CIT: variants seen among roughly 807,000 people sequenced by gnomAD.
CIT encodes citron Rho-interacting kinase.
A neutral mutation model predicts 272.7 loss-of-function variants in CIT; 79 were observed. The ratio of observed to expected loss-of-function variants is 0.29; its 90% confidence interval spans 0.24 to 0.35. CIT has a LOEUF of 0.35. Among genes scored for constraint, CIT ranks in the 10% least tolerant of loss-of-function variants. The probability of loss-of-function intolerance (pLI) is 1.00; values close to 1 mark genes in which losing one functional copy is unlikely to be tolerated. For synonymous variants in CIT, 948 were observed against 995.6 expected, an observed-to-expected ratio of 0.95 and a Z score of 0.90; for missense variants, 1,909 against 2,618.3, an observed-to-expected ratio of 0.73 and a Z score of 5.91.
intron 2 of CIT, among the ~76,000 whole-genome samples, chr12:119,873,293 A>G (rs1413555027): frequency 6.9e-6 from 1 of 144,762 alleles, no homozygotes; most frequent in Non-Finnish European, 1.5e-5. Flanking sequence ...TTTAATTTAC[A>G]GGGTCTTGCT....
intron 46 of CIT, among the ~76,000 whole-genome samples, chr12:119,692,611 C>T (rs564767297): frequency 6.6e-5 from 10 of 152,330 alleles, no homozygotes; most frequent in Admixed American, 2.6e-4. Context: ...CAGCTGCTTC[C>T]GCATGACCAC....
chr12:119,853,426 ATTTG>A (rs199630343), intron 4 of CIT, among the ~76,000 whole-genome samples: 73 of 151,162 alleles, frequency 4.8e-4, no homozygotes, highest in East Asian at 1.4e-3. Flanking sequence ...GGATTTGTTT[ATTTG>A]TTTGTTTGTT....
intron 5 of CIT, among the ~76,000 whole-genome samples, chr12:119,840,180 T>A (rs1969312854): frequency 6.6e-6 from 1 of 152,116 alleles, no homozygotes. Flanking sequence ...TGGCAGGGCA[T>A]GGTAGTATAT....
intron 23 of CIT, among the ~76,000 whole-genome samples, chr12:119,749,513 TC>T (rs1347270922): frequency 2.6e-5 from 4 of 152,042 alleles, no homozygotes; most frequent in African/African-American, 9.7e-5. Flanking sequence ...TGGAACATAA[TC>T]AAGAGAAGGG....
At chr12:119,825,025 C>T (rs1249067109) in intron 8 of CIT, 140 bp downstream of exon 8, 1 of 633,468 alleles carries the variant, frequency 1.6e-6, no homozygotes, top group East Asian at 2.9e-5. Context: ...TGGTCTCGAT[C>T]TCCTGACCTC....
At position 119,704,384 on chromosome 12, in the gene CIT, G is replaced by A. The variant is rs1012311575; in HGVS notation, c.5283C>T (p.Leu1761=). 1.9e-6 allele frequency: 3 copies of A among 1,613,872 alleles called. No individual in the cohort carries two copies. The highest frequency in any genetic ancestry group is 2.5e-6 in the Non-Finnish European group (3 of 1,179,868). The stretch of plus-strand genomic sequence containing the variant: ...TTACTTTCCGGATGCAGTATTTGCT[G>A]AGGTTTTCGTTGTAGCGGAGAATGA... ...KVVILRYNEN[L]SKYCIRKEIE... is the part of the protein sequence containing the mutation. Residue 1761 remains leucine, a synonymous_variant, in exon 41 of 48, where the codon CTC becomes CTT. Coordinates refer to ENST00000392521, the MANE Select transcript of CIT (RefSeq NM_001206999.2).
chr12:119,812,917 T>A (rs368777966), intron 9 of CIT, among the ~76,000 whole-genome samples: 2 of 152,194 alleles, frequency 1.3e-5, no homozygotes, highest in Non-Finnish European at 2.9e-5. Context: ...GTAGAATTAC[T>A]ATGTCTTGAA....
At chr12:119,800,593 A>T (rs1966108203) in intron 10 of CIT, among the ~76,000 whole-genome samples, 1 of 152,246 alleles carries the variant, frequency 6.6e-6, no homozygotes. Context: ...CAATTTACCT[A>T]GCACAGTACA....
intron 3 of CIT, among the ~76,000 whole-genome samples, chr12:119,867,334 G>A (rs552218278): frequency 7.9e-5 from 12 of 152,010 alleles, no homozygotes; most frequent in African/African-American, 2.7e-4. Flanking sequence ...GATTACAGGC[G>A]CCCGCTGCCA....
At position 119,712,952 on chromosome 12, in the gene CIT, A is replaced by G. The variant is rs946468078; in HGVS notation, c.4579+251T>C. 4.5e-5 allele frequency: 26 copies of G among 582,090 alleles called. No individual in the cohort carries two copies. The highest frequency in any genetic ancestry group is 1.7e-4 in the East Asian group (6 of 34,636). 36.1% of individuals were successfully genotyped at this position (582,090 alleles called of 1,614,324 possible). A position where few individuals can be genotyped will look rare whatever the true frequency, so the allele number is the denominator to read the frequency against. The stretch of plus-strand genomic sequence containing the variant: ...GATTTATGGGTTAGTTGACTGAGGC[A>G]GAAGTTCTCGGAAGGTGTATTAGCA... On this transcript the variant is annotated intron_variant, in intron 35 of 47. Transcript: ENST00000392521. This position sits in a 1 kb window ranked among gnomAD's most constrained non-coding sequence, Gnocchi z 5.2.
intron 2 of CIT, 113 bp downstream of exon 2, chr12:119,875,960 C>T: frequency 1.5e-6 from 1 of 673,452 alleles, no homozygotes; most frequent in Non-Finnish European, 2.5e-6. Flanking sequence ...TGTACTCCAG[C>T]CTGAGAGACT....
intron 18 of CIT, among the ~76,000 whole-genome samples, chr12:119,767,712 CAT>C (rs1962610160): frequency 6.6e-6 from 1 of 152,068 alleles, no homozygotes; most frequent in Admixed American, 6.6e-5. Flanking sequence ...TGGTAAGTGG[CAT>C]ATGTGACTAT....
intron 13 of CIT, among the ~76,000 whole-genome samples, chr12:119,780,987 A>T (rs901024416): frequency 6.6e-6 from 1 of 152,220 alleles, no homozygotes; most frequent in African/African-American, 2.4e-5. Flanking sequence ...GTTTCTAAGG[A>T]ATCTATGGAC....
chr12:119,709,785 AGAGTGTGTGTGTGTGTGTGTGTGTGTGT>A (rs1236185373), intron 39 of CIT, among the ~76,000 whole-genome samples: 2 of 52,442 alleles, frequency 3.8e-5, no homozygotes, highest in African/African-American at 7.1e-5. Context: ...AGAGAGAGAG[AGAGTGTGTGTGTGTGTGTGTGTGTGTGT>A]GTGTGTGTGT....
At chr12:119,832,951 C>A in intron 6 of CIT, 87 bp from the exon 7 acceptor site, 1 of 949,612 alleles carries the variant, frequency 1.1e-6, no homozygotes, top group African/African-American at 1.6e-5. Context: ...AGCCAAAAAT[C>A]TTTGTTTATG....
At chr12:119,737,359 ATAGAC>A (rs1363830283) in intron 24 of CIT, among the ~76,000 whole-genome samples, 1 of 150,574 alleles carries the variant, frequency 6.6e-6, no homozygotes, top group African/African-American at 2.4e-5. Flanking sequence ...TGGGGAATAA[ATAGAC>A]TAGACTATAG....
intron 23 of CIT, among the ~76,000 whole-genome samples, chr12:119,746,640 T>C (rs556176666): frequency 1.3e-5 from 2 of 152,356 alleles, no homozygotes; most frequent in Admixed American, 1.3e-4. Flanking sequence ...CACTGGAGTC[T>C]GAAATTTCAG....
chr12:119,753,944 G>A (rs1593604412), intron 22 of CIT, among the ~76,000 whole-genome samples: 1 of 152,152 alleles, frequency 6.6e-6, no homozygotes, highest in African/African-American at 2.4e-5. Context: ...TAGTCTACTA[G>A]TAAGACAATG....
chr12:119,738,270 G>A (rs1049996660), intron 24 of CIT, among the ~76,000 whole-genome samples: 1 of 152,148 alleles, frequency 6.6e-6, no homozygotes, highest in Non-Finnish European at 1.5e-5. Flanking sequence ...AAATGATGGA[G>A]GTAAGATATA....
Sources: gnomAD v4.1 joint callset for allele counts (sites outside exome capture counted in the v4.1 genomes callset) on GRCh38, gnomAD v4.1.1 for gene constraint, Gnocchi (gnomAD v3.1) non-coding constraint, MANE v1.5 for transcripts, NCBI Gene and HGNC (gene_info 2026-07-23, HGNC 2026-07-21) for gene names.